Variants in PRKAR1B observed in about 807,000 individuals in gnomAD.
The protein encoded by PRKAR1B is protein kinase cAMP-dependent type I regulatory subunit beta.
In PRKAR1B, 22 loss-of-function variants were observed where a neutral mutation model predicts 46.5. The observed-to-expected ratio is 0.47, with a 90% CI of 0.34 to 0.68. PRKAR1B has a LOEUF of 0.68. PRKAR1B is among the 30% of genes least tolerant of loss of function. The pLI is 0.01. For missense variants in PRKAR1B, 445 were observed against 535.6 expected (o/e 0.83, Z 1.67); for synonymous variants, 259 against 217.7 (o/e 1.19, Z -1.67).
chr7:682,586 A>C (rs530368673), intron 2 of PRKAR1B, among the ~76,000 whole-genome samples: 1 of 152,088 alleles, frequency 6.6e-6, no homozygotes, highest in Admixed American at 6.5e-5. Context: ...TCTACTAAAA[A>C]TACAAAAAAT....
At position 629,439 on chromosome 7, in the gene PRKAR1B, G is replaced by A. The variant is rs74687429; in HGVS notation, c.441-21987C>T. ...GGCTGGAAAACGCTGCAGGAGCGGGGCCACGGCCTCCGAGGGCGCCACCAC... is the reference window on the plus strand; with the variant it reads ...GGCTGGAAAACGCTGCAGGAGCGGGACCACGGCCTCCGAGGGCGCCACCAC... On this transcript the variant is annotated intron_variant, in intron 4 of 10. Coordinates refer to ENST00000537384, the MANE Select transcript of PRKAR1B (RefSeq NM_001164760.2). Among the ~76,000 whole-genome samples the A allele has an allele frequency of 8.7e-5, 11 of 126,476 alleles. No homozygotes were observed. The East Asian group carries it at 1.3e-3, about 15-fold the overall frequency. 83.0% of individuals were successfully genotyped at this position (126,476 alleles called of 152,430 possible).
chr7:651,665 C>T (rs900157023), intron 4 of PRKAR1B, among the ~76,000 whole-genome samples: 3 of 151,668 alleles, frequency 2.0e-5, no homozygotes, highest in Middle Eastern at 3.5e-3. Flanking sequence ...AAACCCCTCT[C>T]GGAACACAGT....
At chr7:604,922 G>A (rs1345377740) in intron 6 of PRKAR1B, among the ~76,000 whole-genome samples, 1 of 152,136 alleles carries the variant, frequency 6.6e-6, no homozygotes, top group Non-Finnish European at 1.5e-5. Context: ...CAGCCAGCCT[G>A]GGAAGCAGTG....
chr7:651,275 C>T (rs1398198267), intron 4 of PRKAR1B, among the ~76,000 whole-genome samples: 1 of 152,214 alleles, frequency 6.6e-6, no homozygotes, highest in African/African-American at 2.4e-5. Flanking sequence ...GTGCATGTAG[C>T]ATGCCTATAG....
chr7:673,260 T>G (rs1293176685), intron 4 of PRKAR1B, among the ~76,000 whole-genome samples: 1 of 152,024 alleles, frequency 6.6e-6, no homozygotes, highest in Non-Finnish European at 1.5e-5. Context: ...AACTGAATTT[T>G]CAACCGGGTG....
intron 9 of PRKAR1B, among the ~76,000 whole-genome samples, chr7:568,655 T>C (rs534729121): frequency 7.3e-4 from 111 of 152,322 alleles, no homozygotes; most frequent in African/African-American, 2.5e-3. Context: ...CAGCCCCTGC[T>C]GCGGGGGGTG....
intron 9 of PRKAR1B, among the ~76,000 whole-genome samples, chr7:570,390 C>T (rs1257397158): frequency 2.6e-5 from 4 of 152,212 alleles, no homozygotes; most frequent in African/African-American, 4.8e-5. Context: ...GCCTGGGAGC[C>T]TTCCCTGCCC....
rs1583237147 is a variant in PRKAR1B at position 579,387 on chromosome 7, G to GA, written c.770-11dup. ...CACTTCTCCAGGGACTCTGTCGGGGGAGGATGAGGACAGGTCATCCCGGGG... is the reference window on the plus strand; with the variant it reads ...CACTTCTCCAGGGACTCTGTCGGGGGAAGGATGAGGACAGGTCATCCCGGGG... On this transcript the variant is annotated splice_polypyrimidine_tract_variant and intron_variant, in intron 8 of 10. Transcript: ENST00000537384. 16 of 1,612,916 alleles carry GA rather than the reference G, an allele frequency of 9.9e-6. No homozygotes were observed. In the East Asian group the frequency reaches 3.6e-4, roughly 36 times the overall value.
intron 1 of PRKAR1B, among the ~76,000 whole-genome samples, chr7:717,240 G>A (rs1268249877): frequency 6.6e-6 from 1 of 151,804 alleles, no homozygotes; most frequent in African/African-American, 2.4e-5. Context: ...AGTGAGCTGA[G>A]AGCATGCCAC....
intron 1 of PRKAR1B, among the ~76,000 whole-genome samples, chr7:715,842 A>G (rs537080839): frequency 5.9e-5 from 9 of 151,840 alleles, no homozygotes; most frequent in African/African-American, 2.2e-4. Context: ...CAGCCTCCCG[A>G]GTAGCTGGGA....
rs1038162936 is a variant in PRKAR1B, at chr7:549,932, G to C, written c.*498C>G. The C allele has an allele frequency of 6.3e-6, 1 of 158,084 alleles. No homozygotes were observed. Among genetic ancestry groups the C allele is most frequent in the Admixed American group, 6.0e-5 (1 of 16,672 alleles). The allele number at this position is 158,084 out of a possible 1,614,324, so 9.8% of individuals were successfully genotyped here. ...GGGCAGGGGTACACATTTGCGGGAG[G>C]GGCCTTGACTTCTTCGGCCTCAACT... On this transcript the variant is annotated 3_prime_UTR_variant, in exon 11 of 11. Coordinates refer to ENST00000537384, the MANE Select transcript of PRKAR1B (RefSeq NM_001164760.2).
chr7:572,204 C>T (rs1305236161), intron 9 of PRKAR1B, among the ~76,000 whole-genome samples: 1 of 152,214 alleles, frequency 6.6e-6, no homozygotes, highest in African/African-American at 2.4e-5. Context: ...GGTACCATAG[C>T]TCTCCATCTC....
chr7:667,748 G>A lies in PRKAR1B; in HGVS notation c.440+9481C>T, dbSNP rs115986570. On this transcript the variant is annotated intron_variant, in intron 4 of 10. Transcript: ENST00000537384. This position sits in a 1 kb window ranked among gnomAD's most constrained non-coding sequence, Gnocchi z 4.3. The stretch of plus-strand genomic sequence containing the variant: ...TAGCTCTGCTCCTGAGGAGTTGTGG[G>A]GCCTTGGACAAGGACAGGGAAGGAA... 1.0e-3 allele frequency among the ~76,000 whole-genome samples: 156 copies of A among 152,202 alleles called. No homozygotes were observed. The highest frequency in any genetic ancestry group is 3.5e-3 in the African/African-American group (145 of 41,506).
In PRKAR1B at chr7:550,609, G is replaced by A. The variant is rs762660020; in HGVS notation, c.974-7C>T. ...AGCAGCAGTGCAATCTCCCCTGGGG[G>A]TTGAAGAGAGAGGTCAGGGCTGGGC... On this transcript the variant is annotated splice_region_variant and splice_polypyrimidine_tract_variant and intron_variant, in intron 10 of 10. Coordinates refer to ENST00000537384, the MANE Select transcript of PRKAR1B (RefSeq NM_001164760.2). 5 of 1,549,602 alleles carry A rather than the reference G, an allele frequency of 3.2e-6. No individual in the cohort carries two copies. The African/African-American group carries it at 4.1e-5, about 13-fold the overall frequency.
chr7:580,794 GCTAC>G (rs1165011905), intron 8 of PRKAR1B, among the ~76,000 whole-genome samples: 2 of 149,474 alleles, frequency 1.3e-5, no homozygotes, highest in Non-Finnish European at 3.0e-5. Flanking sequence ...CAAATCAGAT[GCTAC>G]CTATGTAGGT....
intron 4 of PRKAR1B, among the ~76,000 whole-genome samples, chr7:621,259 T>C (rs1421924544): frequency 6.6e-6 from 1 of 152,234 alleles, no homozygotes; most frequent in East Asian, 1.9e-4. Context: ...GAAAGAACCC[T>C]TTGGGAGGAA....
intron 9 of PRKAR1B, among the ~76,000 whole-genome samples, chr7:570,212 C>T (rs1042085433): frequency 5.3e-5 from 8 of 152,212 alleles, no homozygotes; most frequent in Admixed American, 3.9e-4. Context: ...GGCACATACT[C>T]CTAGGCCTCC....
chr7:722,253 C>G (rs1374902593), intron 1 of PRKAR1B, among the ~76,000 whole-genome samples: 2 of 152,106 alleles, frequency 1.3e-5, no homozygotes, highest in African/African-American at 2.4e-5. Context: ...AGGTACCCAC[C>G]ACCACACCCA....
intron 1 of PRKAR1B, among the ~76,000 whole-genome samples, chr7:715,765 C>T (rs1193973120): frequency 6.6e-6 from 1 of 151,628 alleles, no homozygotes; most frequent in Non-Finnish European, 1.5e-5. Context: ...ACCCAGGCTG[C>T]AGTGCAGTGG....
Sources: gnomAD v4.1 joint callset for allele counts (sites outside exome capture counted in the v4.1 genomes callset) on GRCh38, gnomAD v4.1.1 for gene constraint, Gnocchi (gnomAD v3.1) non-coding constraint, MANE v1.5 for transcripts, NCBI Gene and HGNC (gene_info 2026-07-23, HGNC 2026-07-21) for gene names.